The following PCBD2 variants were observed in gnomAD, a reference collection of about 807,000 sequenced individuals.
PCBD2 encodes pterin-4 alpha-carbinolamine dehydratase 2.
PCBD2 carries 12 observed loss-of-function variants against 16.4 expected under a neutral mutation model. The observed-to-expected ratio is 0.73, with a 90% CI of 0.47 to 1.19. The LOEUF (loss-of-function observed/expected upper bound fraction) is 1.19, where lower values mean the gene tolerates loss of function less well. Ranked by LOEUF, PCBD2 falls within the 50% of genes most tolerant of loss-of-function variation. The probability of loss-of-function intolerance (pLI) is 0.00; values close to 1 mark genes in which losing one functional copy is unlikely to be tolerated. For missense variants in PCBD2, 138 were observed against 156.8 expected (o/e 0.88, Z 0.64); for synonymous variants, 58 against 61.8 (o/e 0.94, Z 0.29).
At chr5:134,923,820 C>T (rs1750941135) in intron 2 of PCBD2, 2 of 393,856 alleles carry the variant, frequency 5.1e-6, no homozygotes, top group South Asian at 1.3e-4. Context: ...GCGGATGATT[C>T]AGCCATAATT....
chr5:134,930,562 T>A (rs1298816042), intron 2 of PCBD2, among the ~76,000 whole-genome samples: 1 of 152,224 alleles, frequency 6.6e-6, no homozygotes, highest in Non-Finnish European at 1.5e-5. Flanking sequence ...AACAGCAGCA[T>A]TGATTGTGCC....
At chr5:134,925,479 C>T (rs1303979774) in intron 2 of PCBD2, 2 of 398,296 alleles carry the variant, frequency 5.0e-6, no homozygotes, top group Admixed American at 8.8e-5. Flanking sequence ...TACAGATGTG[C>T]AGGAATGCTA....
chr5:134,951,811 A>G (rs1176059005), intron 2 of PCBD2, among the ~76,000 whole-genome samples: 1 of 152,190 alleles, frequency 6.6e-6, no homozygotes, highest in Non-Finnish European at 1.5e-5. Flanking sequence ...TGCTCATTTA[A>G]AAAATGGTGG....
chr5:134,942,110 A>T (rs1445520430), intron 2 of PCBD2, among the ~76,000 whole-genome samples: 1 of 148,444 alleles, frequency 6.7e-6, no homozygotes, highest in Non-Finnish European at 1.5e-5. Flanking sequence ...CAGCCTGGGC[A>T]ATAGAGCAAG....
intron 2 of PCBD2, among the ~76,000 whole-genome samples, chr5:134,928,760 G>C (rs1476790338): frequency 6.6e-6 from 1 of 152,112 alleles, no homozygotes; most frequent in Non-Finnish European, 1.5e-5. Flanking sequence ...GTGTAAACCC[G>C]GGAGGCAGAG....
At chr5:134,946,548 G>C (rs1053849554) in intron 2 of PCBD2, among the ~76,000 whole-genome samples, 1 of 152,220 alleles carries the variant, frequency 6.6e-6, no homozygotes, top group African/African-American at 2.4e-5. Flanking sequence ...TTTAAAAGGG[G>C]AATGGATTCC....
chr5:134,925,828 G>T (rs1379171327), intron 2 of PCBD2: 4 of 394,822 alleles, frequency 1.0e-5, no homozygotes, highest in Non-Finnish European at 1.8e-5. Context: ...TAGTAGTGGG[G>T]TGAGGCTTGG....
chr5:134,905,386 CGGTGCGCCGCTCAGAGACCGG>C, intron 1 of PCBD2, 163 bp downstream of exon 1: 1 of 516,694 alleles, frequency 1.9e-6, no homozygotes, highest in East Asian at 3.8e-5. Context: ...ACCACCTGTC[CGGTGCGCCGCTCAGAGACCGG>C]GGTGGCCGCA....
chr5:134,949,406 G>A (rs1398919615), intron 2 of PCBD2, among the ~76,000 whole-genome samples: 1 of 152,110 alleles, frequency 6.6e-6, no homozygotes, highest in Non-Finnish European at 1.5e-5. Flanking sequence ...TTAATAGAGT[G>A]CCAGGCATAC....
intron 2 of PCBD2, among the ~76,000 whole-genome samples, chr5:134,937,202 T>G (rs1751170377): frequency 6.6e-6 from 1 of 152,244 alleles, no homozygotes; most frequent in African/African-American, 2.4e-5. Context: ...AAGTAAAGCA[T>G]TTATTTCTTC....
intron 2 of PCBD2, among the ~76,000 whole-genome samples, chr5:134,913,395 A>C (rs1750790676): frequency 1.3e-5 from 2 of 152,314 alleles, no homozygotes; most frequent in African/African-American, 4.8e-5. Flanking sequence ...ATGGTGATCC[A>C]AGGGAAGAGC....
intron 2 of PCBD2, among the ~76,000 whole-genome samples, chr5:134,939,412 A>G (rs1447099138): frequency 6.6e-6 from 1 of 151,564 alleles, no homozygotes; most frequent in Non-Finnish European, 1.5e-5. Context: ...TGTAATGCAT[A>G]TGGGGCATCT....
chr5:134,925,144 G>A (rs1328496521), intron 2 of PCBD2: 6 of 397,908 alleles, frequency 1.5e-5, no homozygotes, highest in East Asian at 3.6e-5. Flanking sequence ...GTTAGTGAGG[G>A]CTGGGAAGCG....
In PCBD2 at chr5:134,910,875, C is replaced by T. The variant is rs558538897; in HGVS notation, c.216+409C>T. Among the ~76,000 whole-genome samples the T allele has an allele frequency of 2.6e-5, 4 of 152,322 alleles. No individual in the cohort carries two copies. In the East Asian group the frequency reaches 5.8e-4, roughly 22 times the overall value. ...GTATGATTGTGGCTTACTGCTGCCT[C>T]GACCTCCTGGGCTCAGGTGATCCTC... is the stretch of plus-strand genomic sequence containing the variant. On this transcript the variant is annotated intron_variant, in intron 2 of 3. Coordinates refer to ENST00000254908, the MANE Select transcript of PCBD2 (RefSeq NM_032151.5).
chr5:134,941,639 A>C (rs1260950245), intron 2 of PCBD2, among the ~76,000 whole-genome samples: 7 of 152,356 alleles, frequency 4.6e-5, no homozygotes. Context: ...AAATAAGTAA[A>C]GAAAACCATG....
intron 2 of PCBD2, among the ~76,000 whole-genome samples, chr5:134,916,055 G>T (rs1310511718): frequency 1.3e-5 from 2 of 152,178 alleles, no homozygotes; most frequent in Non-Finnish European, 2.9e-5. Flanking sequence ...CTGGGAGGCC[G>T]AGTTGAGTGG....
chr5:134,916,377 C>G (rs953428972), intron 2 of PCBD2, among the ~76,000 whole-genome samples: 1 of 152,006 alleles, frequency 6.6e-6, no homozygotes, highest in Non-Finnish European at 1.5e-5. Context: ...GTTCTTTAGT[C>G]TTTTTATTTT....
intron 3 of PCBD2, among the ~76,000 whole-genome samples, chr5:134,960,142 A>G (rs1303934996): frequency 2.0e-5 from 3 of 152,092 alleles, no homozygotes; most frequent in African/African-American, 7.2e-5. Context: ...AAGTGCTGAG[A>G]TTACAGGTGT....
chr5:134,916,077 C>G (rs1434798385), intron 2 of PCBD2, among the ~76,000 whole-genome samples: 2 of 152,108 alleles, frequency 1.3e-5, no homozygotes, highest in Non-Finnish European at 2.9e-5. Context: ...TTGCTTGAGC[C>G]AAGGAGTTTG....
Sources: allele counts gnomAD v4.1 joint callset (sites outside exome capture counted in the v4.1 genomes callset), GRCh38; gene constraint gnomAD v4.1.1; transcripts MANE v1.5; gene names NCBI Gene and HGNC (gene_info 2026-07-23, HGNC 2026-07-21).